The following XYLT1 variants were observed in gnomAD, a reference collection of about 807,000 sequenced individuals.
XYLT1 encodes xylosyltransferase 1, also known as beta-D-xylosyltransferase 1.
Under a neutral mutation model 91.3 loss-of-function variants are expected in XYLT1, and 36 were observed. The observed-to-expected ratio is 0.39, with a 90% CI of 0.30 to 0.52. The LOEUF (loss-of-function observed/expected upper bound fraction) is 0.52. XYLT1 is among the 20% of genes least tolerant of loss of function. The pLI, the probability that XYLT1 is intolerant of heterozygous loss-of-function variation, is 0.68. For missense variants in XYLT1, 1,242 were observed against 1,284.5 expected (o/e 0.97, Z 0.51); for synonymous variants, 588 against 532.0 (o/e 1.11, Z -1.45).
chr16:17,278,329 C>T (rs950497243), intron 2 of XYLT1, among the ~76,000 whole-genome samples: 10 of 152,232 alleles, frequency 6.6e-5, no homozygotes, highest in African/African-American at 1.7e-4. Context: ...GAGAGCAAGC[C>T]GGCAGCTGCA....
intron 3 of XYLT1, among the ~76,000 whole-genome samples, chr16:17,253,848 G>A (rs943059655): frequency 8.7e-5 from 13 of 149,088 alleles, no homozygotes; most frequent in African/African-American, 3.2e-4. Context: ...GAGAGAGAGA[G>A]AGAGAGAGAG....
intron 2 of XYLT1, among the ~76,000 whole-genome samples, chr16:17,264,532 G>A (rs899174179): frequency 3.9e-5 from 6 of 152,160 alleles, no homozygotes; most frequent in African/African-American, 1.4e-4. Flanking sequence ...CTGCCAAGGG[G>A]CAAACAGATT....
chr16:17,242,722 C>CAT, intron 3 of XYLT1, among the ~76,000 whole-genome samples: 1 of 152,330 alleles, frequency 6.6e-6, no homozygotes, highest in Non-Finnish European at 1.5e-5. Flanking sequence ...ACAACTTTTT[C>CAT]ATTTTGCAGA....
intron 1 of XYLT1, among the ~76,000 whole-genome samples, chr16:17,406,414 C>T (rs2036033419): frequency 6.6e-6 from 1 of 152,210 alleles, no homozygotes; most frequent in Admixed American, 6.5e-5. Context: ...CTCTGTGCTC[C>T]AGTGAGGTCT....
At position 17,470,365 on chromosome 16, in the gene XYLT1, G is replaced by T. The variant is rs1275987707; in HGVS notation, c.363+69C>A. 50 of 1,205,580 alleles carry T rather than the reference G, an allele frequency of 4.1e-5. No individual in the cohort carries two copies. In the South Asian group the frequency reaches 1.5e-3, roughly 37 times the overall value. 74.7% of individuals were successfully genotyped at this position (1,205,580 alleles called of 1,614,324 possible). Reference sequence around the variant, plus strand: ...GTCTGATGACCGAGTTCAAGGGCTAGGGGGGCGTGGGGTCGGGCTGCCTTC... The same window carrying T: ...GTCTGATGACCGAGTTCAAGGGCTATGGGGGCGTGGGGTCGGGCTGCCTTC... On this transcript the variant is annotated intron_variant, in intron 1 of 11. Coordinates refer to ENST00000261381, the MANE Select transcript of XYLT1 (RefSeq NM_022166.4).
intron 3 of XYLT1, among the ~76,000 whole-genome samples, chr16:17,205,353 G>C (rs2032624075): frequency 6.6e-6 from 1 of 152,252 alleles, no homozygotes; most frequent in Non-Finnish European, 1.5e-5. Flanking sequence ...TGCTGGCAAA[G>C]ATCATGTTAG....
intron 1 of XYLT1, among the ~76,000 whole-genome samples, chr16:17,406,955 A>C (rs2036041426): frequency 6.6e-6 from 1 of 152,110 alleles, no homozygotes; most frequent in East Asian, 1.9e-4. Flanking sequence ...GTCTTTCGAA[A>C]GTCACCCTTT....
At chr16:17,254,906 T>C (rs2033605946) in intron 3 of XYLT1, among the ~76,000 whole-genome samples, 1 of 152,078 alleles carries the variant, frequency 6.6e-6, no homozygotes, top group East Asian at 1.9e-4. Flanking sequence ...CTATAGACAG[T>C]GATAGCATTT....
chr16:17,116,676 G>A (rs1027401350), intron 11 of XYLT1, among the ~76,000 whole-genome samples: 8 of 152,176 alleles, frequency 5.3e-5, no homozygotes, highest in African/African-American at 1.7e-4. Flanking sequence ...GGGGTCAGAC[G>A]TCTGTGGTAG....
In XYLT1 at chr16:17,135,708, G is replaced by T. The variant is rs563235677; in HGVS notation, c.1765-973C>A. The stretch of plus-strand genomic sequence containing the variant: ...AGCAAGTCACTATCAGAGATGGGAC[G>T]AAGAGTCAGGGTCCAGGGTTAAAGA... On this transcript the variant is annotated intron_variant, in intron 8 of 11. Coordinates refer to ENST00000261381, the MANE Select transcript of XYLT1 (RefSeq NM_022166.4). 3.9e-5 allele frequency among the ~76,000 whole-genome samples: 6 copies of T among 152,300 alleles called. No homozygotes were observed. The East Asian group carries it at 9.6e-4, about 24-fold the overall frequency.
intron 1 of XYLT1, among the ~76,000 whole-genome samples, chr16:17,437,462 T>A (rs990294607): frequency 6.6e-6 from 1 of 152,078 alleles, no homozygotes; most frequent in African/African-American, 2.4e-5. Context: ...GTACCAAATG[T>A]TTATTGGAGC....
chr16:17,453,720 A>T (rs144014219), intron 1 of XYLT1, among the ~76,000 whole-genome samples: 1 of 152,234 alleles, frequency 6.6e-6, no homozygotes, highest in African/African-American at 2.4e-5. Context: ...GGCTATATTC[A>T]TCTGCTTCCC....
intron 2 of XYLT1, among the ~76,000 whole-genome samples, chr16:17,329,369 C>G (rs1055721921): frequency 1.3e-5 from 2 of 152,120 alleles, no homozygotes; most frequent in African/African-American, 4.8e-5. Flanking sequence ...TACATTGCTG[C>G]GTAACTGTAA....
intron 1 of XYLT1, among the ~76,000 whole-genome samples, chr16:17,461,091 C>T (rs1320610364): frequency 2.6e-5 from 4 of 152,214 alleles, no homozygotes; most frequent in African/African-American, 9.7e-5. Flanking sequence ...CGACCTGCCT[C>T]CCAGGCCCCA....
At chr16:17,372,866 T>C (rs982897361) in intron 1 of XYLT1, among the ~76,000 whole-genome samples, 1 of 152,184 alleles carries the variant, frequency 6.6e-6, no homozygotes, top group Non-Finnish European at 1.5e-5. Context: ...TCACCGAATA[T>C]CTGTAAAGCA....
chr16:17,154,344 G>A (rs967979472), intron 6 of XYLT1, among the ~76,000 whole-genome samples: 2 of 152,112 alleles, frequency 1.3e-5, no homozygotes, highest in African/African-American at 4.8e-5. Context: ...GGGCCCTGGT[G>A]ACCCTGGATG....
At chr16:17,207,601 G>A (rs2032676924) in intron 3 of XYLT1, among the ~76,000 whole-genome samples, 1 of 152,174 alleles carries the variant, frequency 6.6e-6, no homozygotes, top group South Asian at 2.1e-4. Flanking sequence ...GCCCATGGCT[G>A]TCTCCTCTCA....
At chr16:17,311,943 G>C (rs555943903) in intron 2 of XYLT1, among the ~76,000 whole-genome samples, 1 of 152,102 alleles carries the variant, frequency 6.6e-6, no homozygotes, top group Non-Finnish European at 1.5e-5. Context: ...AAACTGCCCC[G>C]ATGATTCAGT....
intron 5 of XYLT1, among the ~76,000 whole-genome samples, chr16:17,197,725 G>T (rs1197933568): frequency 1.3e-5 from 2 of 152,136 alleles, no homozygotes; most frequent in African/African-American, 4.8e-5. Context: ...CTTCAGCTTT[G>T]GGATCTTTGG....
Sources: gnomAD v4.1 joint callset for allele counts (sites outside exome capture counted in the v4.1 genomes callset) on GRCh38, gnomAD v4.1.1 for gene constraint, MANE v1.5 for transcripts, NCBI Gene and HGNC (gene_info 2026-07-23, HGNC 2026-07-21) for gene names.